UTRN: variants seen among roughly 807,000 people sequenced by gnomAD.
UTRN encodes the protein utrophin, also known as dystrophin-related protein 1.
UTRN carries 283 observed loss-of-function variants against 463.9 expected under a neutral mutation model. The ratio of observed to expected loss-of-function variants is 0.61; its 90% CI spans 0.55 to 0.67. The LOEUF is 0.67. Ranked by LOEUF, UTRN falls within the 30% of genes least tolerant of loss-of-function variation. UTRN has a pLI of 0.00. For missense variants in UTRN, 3,922 were observed against 4,084.3 expected, an observed-to-expected ratio of 0.96 and a Z score of 1.08; for synonymous variants, 1,442 against 1,431.5, an observed-to-expected ratio of 1.01 and a Z score of -0.17.
chr6:144,495,519 C>T (rs1793551814), intron 33 of UTRN, among the ~76,000 whole-genome samples: 1 of 152,214 alleles, frequency 6.6e-6, no homozygotes, highest in African/African-American at 2.4e-5. Flanking sequence ...CCGCTCGCGC[C>T]TCTCCCTCCA....
intron 34 of UTRN, among the ~76,000 whole-genome samples, chr6:144,500,993 G>A (rs934507572): frequency 6.6e-6 from 1 of 152,164 alleles, no homozygotes; most frequent in South Asian, 2.1e-4. Context: ...AGCTCTACAC[G>A]TTTGCTGTGG....
At chr6:144,722,262 CT>C (rs908217330) in intron 53 of UTRN, among the ~76,000 whole-genome samples, 3 of 152,174 alleles carry the variant, frequency 2.0e-5, no homozygotes, top group Admixed American at 2.0e-4. Context: ...TCCATTTTCT[CT>C]GCCTAGATTG....
intron 35 of UTRN, 148 bp from the exon 36 acceptor site, chr6:144,513,761 C>A: frequency 1.3e-6 from 1 of 775,686 alleles, no homozygotes; most frequent in Non-Finnish European, 2.0e-6. Context: ...ATGAGTTATT[C>A]ACTGAAGAAG....
intron 13 of UTRN, among the ~76,000 whole-genome samples, chr6:144,443,293 A>T (rs888250552): frequency 2.0e-5 from 3 of 152,190 alleles, no homozygotes; most frequent in Non-Finnish European, 4.4e-5. Flanking sequence ...TAAGACTTGT[A>T]TGCAGTAGTT....
At chr6:144,796,136 G>A (rs527706258) in intron 63 of UTRN, among the ~76,000 whole-genome samples, 174 of 152,204 alleles carry the variant, frequency 1.1e-3, no homozygotes, top group Non-Finnish European at 1.9e-3. Flanking sequence ...CATATGGCTA[G>A]CCAGTTTTCC....
At chr6:144,484,451 T>A (rs1190297998) in intron 27 of UTRN, among the ~76,000 whole-genome samples, 1 of 142,800 alleles carries the variant, frequency 7.0e-6, no homozygotes, top group East Asian at 2.0e-4. Flanking sequence ...TTTTTTTTTT[T>A]TTTTTTTTGA....
At chr6:144,676,226 T>C (rs980933411) in intron 51 of UTRN, among the ~76,000 whole-genome samples, 1 of 152,148 alleles carries the variant, frequency 6.6e-6, no homozygotes, top group African/African-American at 2.4e-5. Context: ...TCTTTGTACT[T>C]TCTTTATACT....
intron 74 of UTRN, among the ~76,000 whole-genome samples, chr6:144,849,742 A>T (rs1390503363): frequency 6.6e-6 from 1 of 152,192 alleles, no homozygotes; most frequent in Non-Finnish European, 1.5e-5. Flanking sequence ...ACCTAAAATG[A>T]GCAGTATTGT....
intron 1 of UTRN, among the ~76,000 whole-genome samples, chr6:144,291,131 C>G (rs1035554413): frequency 3.3e-5 from 5 of 152,136 alleles, no homozygotes; most frequent in Non-Finnish European, 7.3e-5. Flanking sequence ...TTCGAACCAT[C>G]TACTGGCTCC....
intron 53 of UTRN, among the ~76,000 whole-genome samples, chr6:144,704,851 A>G (rs935934522): frequency 6.6e-6 from 1 of 152,068 alleles, no homozygotes; most frequent in Admixed American, 6.6e-5. Context: ...AGTCCCAGCT[A>G]TTTGGGAGGC....
At position 144,482,270 on chromosome 6, in the gene UTRN, A is replaced by G; in HGVS notation, c.3569A>G (p.Lys1190Arg). ...VRVKILKDNIKLLAAKVPSGG... is the reference protein window; with the variant it reads ...VRVKILKDNIRLLAAKVPSGG... ...GTGAAGATTCTCAAGGACAACATCAAGTTATTAGCTGCCAAGGTGCCCTCT... is the reference window on the plus strand; with the variant it reads ...GTGAAGATTCTCAAGGACAACATCAGGTTATTAGCTGCCAAGGTGCCCTCT... Residue 1190 changes from lysine to arginine, a missense_variant, in exon 27 of 75, where the codon AAG (lysine) becomes AGG (arginine). This residue lies in a region of UTRN where 2,349 missense variants were observed against 2,303.8 expected (regional missense o/e 1.02). Transcript: ENST00000367545. The G allele has an allele frequency of 6.2e-7, 1 of 1,609,128 alleles. No homozygotes were observed.
chr6:144,753,018 A>C (rs544776527), intron 56 of UTRN, among the ~76,000 whole-genome samples: 1 of 152,180 alleles, frequency 6.6e-6, no homozygotes, highest in Non-Finnish European at 1.5e-5. Flanking sequence ...CTTTACTCAT[A>C]AAGTGTGGCA....
At position 144,762,494 on chromosome 6, in the gene UTRN, C is replaced by T. The variant is rs1792817212; in HGVS notation, c.8495+4505C>T. Among the ~76,000 whole-genome samples the T allele has an allele frequency of 2.0e-5, 3 of 152,186 alleles. No individual in the cohort carries two copies. In the East Asian group the frequency reaches 5.8e-4, roughly 29 times the overall value. ...CCAAGGACAAAGCCCATGCTTTTTC[C>T]AGTACTCCACACTGCCGTTGTATAG... On this transcript the variant is annotated intron_variant, in intron 58 of 74. Transcript: ENST00000367545.
At chr6:144,339,558 T>C (rs1776983656) in intron 2 of UTRN, among the ~76,000 whole-genome samples, 1 of 130,376 alleles carries the variant, frequency 7.7e-6, no homozygotes. Context: ...TACTCTTTTC[T>C]TTTTTTTTTA....
intron 2 of UTRN, among the ~76,000 whole-genome samples, chr6:144,361,719 G>T (rs1584442415): frequency 6.6e-6 from 1 of 151,726 alleles, no homozygotes; most frequent in South Asian, 2.1e-4. Flanking sequence ...TTCCCAAGTA[G>T]CTGGGACCAC....
chr6:144,499,783 C>T (rs551333529), intron 34 of UTRN, among the ~76,000 whole-genome samples: 39 of 152,204 alleles, frequency 2.6e-4, no homozygotes, highest in Middle Eastern at 3.4e-3. Flanking sequence ...CGCCCCTCTA[C>T]TAGTCCCCAG....
intron 59 of UTRN, among the ~76,000 whole-genome samples, chr6:144,773,785 G>T (rs573956671): frequency 9.2e-5 from 14 of 152,330 alleles, no homozygotes; most frequent in Admixed American, 3.3e-4. Flanking sequence ...CTAGGGACAG[G>T]ATACCTGTCA....
At chr6:144,836,020 C>T in intron 70 of UTRN, 82 bp downstream of exon 70, 1 of 1,545,536 alleles carries the variant, frequency 6.5e-7, no homozygotes, top group Non-Finnish European at 8.7e-7. Context: ...TTCTCTTTTT[C>T]AAGACTATTG....
At chr6:144,580,021 G>T (rs1040425994) in intron 51 of UTRN, among the ~76,000 whole-genome samples, 14 of 152,138 alleles carry the variant, frequency 9.2e-5, no homozygotes, top group African/African-American at 2.4e-4. Context: ...TAGAGATTTA[G>T]TACCTTTTAC....
Sources: gnomAD v4.1 joint callset for allele counts (sites outside exome capture counted in the v4.1 genomes callset) on GRCh38, gnomAD v4.1.1 for gene constraint, gnomAD v4.1.1 regional missense constraint, MANE v1.5 for transcripts, NCBI Gene and HGNC (gene_info 2026-07-23, HGNC 2026-07-21) for gene names.